Variants in MAST4 observed in about 807,000 individuals in gnomAD.
The protein encoded by MAST4 is microtubule associated serine/threonine kinase family member 4.
In MAST4, 89 loss-of-function variants were observed where a neutral mutation model predicts 162.7. The observed-to-expected ratio is 0.55, with a 90% CI of 0.46 to 0.65. The LOEUF (loss-of-function observed/expected upper bound fraction) is 0.65, where lower values mean the gene tolerates loss of function less well. Ranked by LOEUF, MAST4 falls within the 30% of genes least tolerant of loss-of-function variation. MAST4 has a pLI of 0.00. For synonymous variants in MAST4, 1,479 were observed against 1,361.1 expected, an observed-to-expected ratio of 1.09 and a Z score of -1.91; for missense variants, 3,153 against 3,374.0, an observed-to-expected ratio of 0.93 and a Z score of 1.62.
chr5:66,696,357 T>TAAA (rs533804688), intron 1 of MAST4, among the ~76,000 whole-genome samples: 1 of 145,916 alleles, frequency 6.9e-6, no homozygotes, highest in Non-Finnish European at 1.5e-5. Flanking sequence ...CCCAGAACTT[T>TAAA]AAAAAAAAAA....
At chr5:66,898,478 C>T (rs1762817965) in intron 3 of MAST4, among the ~76,000 whole-genome samples, 2 of 130,954 alleles carry the variant, frequency 1.5e-5, no homozygotes, top group African/African-American at 5.1e-5. Flanking sequence ...CTGTCTTGGT[C>T]AGAGACTTTT....
At chr5:66,981,922 A>G (rs569102681) in intron 4 of MAST4, among the ~76,000 whole-genome samples, 12 of 152,302 alleles carry the variant, frequency 7.9e-5, no homozygotes, top group South Asian at 4.1e-4. Context: ...TAAAAACCCA[A>G]TGAGATCATT....
At chr5:67,157,439 T>C (rs941082532) in intron 26 of MAST4, among the ~76,000 whole-genome samples, 2 of 152,224 alleles carry the variant, frequency 1.3e-5, no homozygotes, top group African/African-American at 4.8e-5. Flanking sequence ...TAAGCCCTGG[T>C]CTTCACTGTT....
chr5:66,716,646 C>A (rs1158123594), intron 1 of MAST4, among the ~76,000 whole-genome samples: 1 of 151,954 alleles, frequency 6.6e-6, no homozygotes, highest in Non-Finnish European at 1.5e-5. Context: ...TAGGCATGAG[C>A]CATTGTGCCC....
At chr5:66,661,849 G>C (rs1580132109) in intron 1 of MAST4, among the ~76,000 whole-genome samples, 1 of 152,306 alleles carries the variant, frequency 6.6e-6, no homozygotes, top group East Asian at 1.9e-4. Flanking sequence ...CAATGATTGA[G>C]TTCTAAGAGC....
intron 4 of MAST4, among the ~76,000 whole-genome samples, chr5:66,923,547 G>T (rs1764683109): frequency 6.6e-6 from 1 of 152,196 alleles, no homozygotes; most frequent in South Asian, 2.1e-4. Flanking sequence ...TGAGGTTGTG[G>T]CTATCACGTT....
chr5:66,821,899 G>T (rs898937400), intron 3 of MAST4, among the ~76,000 whole-genome samples: 1 of 152,118 alleles, frequency 6.6e-6, no homozygotes, highest in African/African-American at 2.4e-5. Flanking sequence ...AAGATGGGGA[G>T]GGTTGGGAGA....
In MAST4 at chr5:67,010,564, CT is replaced by C. The variant is rs1189162371; in HGVS notation, c.675-43839del. Reference sequence around the variant, plus strand: ...GCCAAAATAATAAACACGGGACTTACTATTAAGACCATCTGAGAAATACATC... The same window carrying C: ...GCCAAAATAATAAACACGGGACTTACATTAAGACCATCTGAGAAATACATC... On this transcript the variant is annotated intron_variant, in intron 4 of 28. Coordinates refer to ENST00000403625, the MANE Select transcript of MAST4 (RefSeq NM_001164664.2). Among the ~76,000 whole-genome samples the C allele has an allele frequency of 2.0e-5, 3 of 152,104 alleles. No homozygotes were observed. The East Asian group carries it at 5.8e-4, about 29-fold the overall frequency.
chr5:66,682,469 T>C (rs2149486190), intron 1 of MAST4, among the ~76,000 whole-genome samples: 1 of 152,308 alleles, frequency 6.6e-6, no homozygotes, highest in African/African-American at 2.4e-5. Flanking sequence ...TGGGTTCAGT[T>C]GAATTAGGGC....
rs1774365165 is a variant in MAST4, at chr5:67,169,317, ATGTT to A, written c.*2271_*2274del. The A allele has an allele frequency of 6.6e-6, 1 of 152,176 alleles. No individual in the cohort carries two copies. The highest frequency in any genetic ancestry group is 2.1e-4 in the South Asian group (1 of 4,828). The allele number at this position is 152,176 out of a possible 1,614,324, so 9.4% of individuals were successfully genotyped here. The stretch of plus-strand genomic sequence containing the variant: ...ACTTAAGGTTGCATTCATGTATTAC[ATGTT>A]TGTTGTTGTAAACCTCTCCAATCAG... On this transcript the variant is annotated 3_prime_UTR_variant, in exon 29 of 29. Coordinates refer to ENST00000403625, the MANE Select transcript of MAST4 (RefSeq NM_001164664.2).
Position 66,984,350 on chromosome 5 carries a change from T to A in MAST4, c.675-70054T>A, listed in dbSNP as rs568333731. Among the ~76,000 whole-genome samples, 28 of 152,256 alleles carry A rather than the reference T, an allele frequency of 1.8e-4. No homozygotes were observed. The East Asian group carries it at 5.2e-3, about 28-fold the overall frequency. ...GAGTGGTGTGGGCACAGGGCACACA[T>A]GTGGATGAGTGGGCAGAGAGGCAGG... On this transcript the variant is annotated intron_variant, in intron 4 of 28. Coordinates refer to ENST00000403625, the MANE Select transcript of MAST4 (RefSeq NM_001164664.2).
intron 5 of MAST4, among the ~76,000 whole-genome samples, chr5:67,079,553 G>T (rs968898155): frequency 6.6e-6 from 1 of 152,190 alleles, no homozygotes. Flanking sequence ...GTGTTTGAAT[G>T]AACCAGTGAA....
At chr5:66,873,395 T>G (rs990699402) in intron 3 of MAST4, among the ~76,000 whole-genome samples, 7 of 152,210 alleles carry the variant, frequency 4.6e-5, no homozygotes, top group African/African-American at 1.7e-4. Flanking sequence ...CATTTTCAAC[T>G]CAATAACCTG....
chr5:67,041,632 A>G (rs1171606206), intron 4 of MAST4, among the ~76,000 whole-genome samples: 1 of 152,086 alleles, frequency 6.6e-6, no homozygotes, highest in African/African-American at 2.4e-5. Flanking sequence ...GGTCATTGAT[A>G]TTCTTTTGCT....
At chr5:66,923,608 T>A (rs1764688200) in intron 4 of MAST4, among the ~76,000 whole-genome samples, 1 of 152,218 alleles carries the variant, frequency 6.6e-6, no homozygotes, top group Non-Finnish European at 1.5e-5. Context: ...CATCCTCCTG[T>A]AACCCCCAGG....
At chr5:67,147,257 C>T (rs1465514240) in intron 23 of MAST4, among the ~76,000 whole-genome samples, 1 of 151,970 alleles carries the variant, frequency 6.6e-6, no homozygotes, top group Non-Finnish European at 1.5e-5. Flanking sequence ...TGCTTATAGC[C>T]AAGGGTAATT....
chr5:66,707,645 A>G (rs74675468), intron 1 of MAST4, among the ~76,000 whole-genome samples: 156 of 152,210 alleles, frequency 1.0e-3, no homozygotes, highest in Middle Eastern at 3.4e-3. Context: ...GTCATATTGG[A>G]TTAGATACTT....
intron 3 of MAST4, among the ~76,000 whole-genome samples, chr5:66,862,727 A>G (rs1760209742): frequency 6.6e-6 from 1 of 152,222 alleles, no homozygotes; most frequent in African/African-American, 2.4e-5. Flanking sequence ...TCTATAAAAC[A>G]GAGTGTCTTG....
chr5:66,996,279 C>CAA (rs201213601), intron 4 of MAST4, among the ~76,000 whole-genome samples: 62 of 148,024 alleles, frequency 4.2e-4, no homozygotes, highest in South Asian at 1.1e-3. Context: ...AACTCCATCT[C>CAA]AAAAAAATAT....
Sources: gnomAD v4.1 joint callset for allele counts (sites outside exome capture counted in the v4.1 genomes callset) on GRCh38, gnomAD v4.1.1 for gene constraint, MANE v1.5 for transcripts, NCBI Gene and HGNC (gene_info 2026-07-23, HGNC 2026-07-21) for gene names.